DPP10: variants seen among roughly 807,000 people sequenced by gnomAD.
DPP10 encodes the protein dipeptidyl peptidase like 10.
DPP10 carries 33 observed loss-of-function variants against 120.9 expected under a neutral mutation model. That is an observed-to-expected ratio of 0.27 (90% CI 0.21 to 0.37). The LOEUF (loss-of-function observed/expected upper bound fraction) is 0.37. Among genes scored for constraint, DPP10 ranks in the 10% least tolerant of loss-of-function variants. The pLI, the probability that DPP10 is intolerant of heterozygous loss-of-function variation, is 1.00. For missense variants in DPP10, 816 were observed against 942.8 expected (o/e 0.87, Z 1.76); for synonymous variants, 337 against 326.1 (o/e 1.03, Z -0.36).
At chr2:114,559,400 A>G (rs1054799115) in intron 1 of DPP10, among the ~76,000 whole-genome samples, 1 of 152,156 alleles carries the variant, frequency 6.6e-6, no homozygotes, top group Non-Finnish European at 1.5e-5. Context: ...CAAAGAAATG[A>G]ATTCCCCCTT....
At chr2:114,463,124 C>T (rs143884336) in intron 1 of DPP10, among the ~76,000 whole-genome samples, 2 of 152,126 alleles carry the variant, frequency 1.3e-5, no homozygotes, top group Non-Finnish European at 2.9e-5. Context: ...GGATTCATCG[C>T]TTCTAGGCCC....
chr2:115,736,759 C>T (rs550066301), intron 8 of DPP10, among the ~76,000 whole-genome samples: 1 of 152,268 alleles, frequency 6.6e-6, no homozygotes, highest in South Asian at 2.1e-4. Context: ...CAGCGATGGC[C>T]ACTACCATTG....
chr2:114,973,479 G>A (rs1447919434), intron 1 of DPP10, among the ~76,000 whole-genome samples: 1 of 151,600 alleles, frequency 6.6e-6, no homozygotes, highest in Non-Finnish European at 1.5e-5. Context: ...GGCTAACACG[G>A]TGAAACCCCG....
intron 1 of DPP10, among the ~76,000 whole-genome samples, chr2:114,636,214 C>T (rs1695291510): frequency 6.6e-6 from 1 of 151,984 alleles, no homozygotes. Flanking sequence ...AATCACTGTG[C>T]TTTGATATGC....
chr2:115,378,372 A>G lies in DPP10; in HGVS notation c.271+34460A>G, dbSNP rs565392389. 9.9e-5 allele frequency among the ~76,000 whole-genome samples: 15 copies of G among 151,114 alleles called. No individual in the cohort carries two copies. In the East Asian group the frequency reaches 2.9e-3, roughly 29 times the overall value. ...CTCTGTTTGTCTGTTGTTGGTGTAT[A>G]AGAATGCTTGTGATTTTTGTACATT... On this transcript the variant is annotated intron_variant, in intron 3 of 25. Coordinates refer to ENST00000410059, the MANE Select transcript of DPP10 (RefSeq NM_020868.6).
chr2:115,662,631 AG>A (rs2149413720), intron 5 of DPP10, among the ~76,000 whole-genome samples: 1 of 152,316 alleles, frequency 6.6e-6, no homozygotes, highest in African/African-American at 2.4e-5. Flanking sequence ...GAAAGAAAAA[AG>A]GTAAGTGTTA....
intron 1 of DPP10, chr2:114,461,965 A>G (rs950984139): frequency 4.1e-6 from 4 of 985,288 alleles, no homozygotes; most frequent in South Asian, 9.4e-5. Context: ...TCGACCATCT[A>G]AGATACAGAA....
At chr2:114,561,434 C>G (rs1688754105) in intron 1 of DPP10, among the ~76,000 whole-genome samples, 1 of 152,030 alleles carries the variant, frequency 6.6e-6, no homozygotes, top group Non-Finnish European at 1.5e-5. Flanking sequence ...CACATAAACA[C>G]CCACACACGT....
At chr2:114,766,622 G>C (rs941127309) in intron 1 of DPP10, among the ~76,000 whole-genome samples, 3 of 152,058 alleles carry the variant, frequency 2.0e-5, no homozygotes, top group Non-Finnish European at 4.4e-5. Context: ...TTTGCTATAA[G>C]CAATAACCTG....
chr2:115,805,141 T>A (rs1575832005), intron 19 of DPP10, among the ~76,000 whole-genome samples: 1 of 152,036 alleles, frequency 6.6e-6, no homozygotes, highest in African/African-American at 2.4e-5. Flanking sequence ...CAGGCGCCCC[T>A]CCCCCAGCCT....
At chr2:115,392,301 T>A (rs2067373653) in intron 3 of DPP10, among the ~76,000 whole-genome samples, 1 of 152,196 alleles carries the variant, frequency 6.6e-6, no homozygotes, top group Non-Finnish European at 1.5e-5. Flanking sequence ...TTAGTTTTAA[T>A]AAGCTGTGCT....
intron 1 of DPP10, among the ~76,000 whole-genome samples, chr2:114,926,653 G>A (rs969603717): frequency 5.9e-5 from 9 of 152,100 alleles, no homozygotes; most frequent in African/African-American, 2.2e-4. Flanking sequence ...TGGGAGAGAA[G>A]GGTCCATGTG....
intron 8 of DPP10, among the ~76,000 whole-genome samples, chr2:115,736,753 G>A (rs1056484502): frequency 2.0e-5 from 3 of 152,152 alleles, no homozygotes; most frequent in South Asian, 2.1e-4. Flanking sequence ...AAGGCTCAGC[G>A]ATGGCCACTA....
At chr2:114,525,843 C>T (rs1685452831) in intron 1 of DPP10, among the ~76,000 whole-genome samples, 1 of 152,160 alleles carries the variant, frequency 6.6e-6, no homozygotes, top group Admixed American at 6.6e-5. Context: ...ATTAGTCTTT[C>T]TAGAACTCTT....
intron 1 of DPP10, among the ~76,000 whole-genome samples, chr2:114,453,415 C>T (rs1283915751): frequency 1.3e-5 from 2 of 151,926 alleles, no homozygotes; most frequent in Admixed American, 1.3e-4. Context: ...TTTCTTTTTT[C>T]TTTGTTAACA....
chr2:115,353,777 A>T (rs1361223055), intron 3 of DPP10, among the ~76,000 whole-genome samples: 1 of 152,150 alleles, frequency 6.6e-6, no homozygotes, highest in Non-Finnish European at 1.5e-5. Context: ...CTTCTCTCAG[A>T]TTCACTCAGT....
At chr2:115,565,176 TAATTTAC>T (rs1364891029) in intron 5 of DPP10, among the ~76,000 whole-genome samples, 1 of 152,224 alleles carries the variant, frequency 6.6e-6, no homozygotes, top group Non-Finnish European at 1.5e-5. Flanking sequence ...TCCCTGAAGA[TAATTTAC>T]ATTTTTGTTT....
intron 1 of DPP10, among the ~76,000 whole-genome samples, chr2:114,552,738 G>A (rs1340167947): frequency 6.6e-6 from 1 of 152,014 alleles, no homozygotes; most frequent in Non-Finnish European, 1.5e-5. Context: ...TAGAGATGGG[G>A]TTTCACCATG....
At chr2:115,121,299 G>A (rs1345154570) in intron 1 of DPP10, among the ~76,000 whole-genome samples, 4 of 152,222 alleles carry the variant, frequency 2.6e-5, no homozygotes, top group African/African-American at 9.6e-5. Flanking sequence ...TTCGAGGGAA[G>A]TGATACCATT....
Sources: allele counts gnomAD v4.1 joint callset (sites outside exome capture counted in the v4.1 genomes callset), GRCh38; gene constraint gnomAD v4.1.1; transcripts MANE v1.5; gene names NCBI Gene and HGNC (gene_info 2026-07-23, HGNC 2026-07-21).